Variants in KIRREL3 observed in about 807,000 individuals in gnomAD.
KIRREL3 encodes the protein kirre like nephrin family adhesion molecule 3.
A neutral mutation model predicts 89.7 loss-of-function variants in KIRREL3; 36 were observed. The ratio of observed to expected loss-of-function variants is 0.40; its 90% CI spans 0.31 to 0.53. KIRREL3 has a LOEUF of 0.53. Among genes scored for constraint, KIRREL3 ranks in the 20% least tolerant of loss-of-function variants. KIRREL3 has a pLI of 0.49. For missense variants in KIRREL3, 864 were observed against 1,056.6 expected (o/e 0.82, Z 2.53); for synonymous variants, 445 against 441.4 (o/e 1.01, Z -0.10).
Position 126,773,464 on chromosome 11 carries a change from A to G in KIRREL3, c.56-210552T>C, listed in dbSNP as rs1950079785. 6.6e-6 allele frequency among the ~76,000 whole-genome samples: 1 copy of G among 152,206 alleles called. No homozygotes were observed. The highest frequency in any genetic ancestry group is 1.5e-5 in the Non-Finnish European group (1 of 68,042). On this transcript the variant is annotated intron_variant, in intron 1 of 16. Transcript: ENST00000525144. The surrounding 1 kb of genome is among the most constrained non-coding windows in gnomAD (Gnocchi z 4.2). Reference sequence around the variant, plus strand: ...GCAGATTTTGGACTTACCAGTCTCCATCGTTGTGTGAGCCAGTCCCTTAAA... The same window carrying G: ...GCAGATTTTGGACTTACCAGTCTCCGTCGTTGTGTGAGCCAGTCCCTTAAA...
chr11:126,762,204 C>G (rs943582729), intron 1 of KIRREL3, among the ~76,000 whole-genome samples: 1 of 150,070 alleles, frequency 6.7e-6, no homozygotes, highest in Non-Finnish European at 1.5e-5. Context: ...AACAAACAAA[C>G]AAATAAATAA....
intron 1 of KIRREL3, among the ~76,000 whole-genome samples, chr11:126,794,715 T>G (rs907881797): frequency 2.6e-5 from 4 of 152,212 alleles, no homozygotes; most frequent in Non-Finnish European, 5.9e-5. Context: ...AAACAGAGTC[T>G]TACCATGGGA....
intron 1 of KIRREL3, among the ~76,000 whole-genome samples, chr11:126,707,985 G>A (rs1012789253): frequency 6.6e-6 from 1 of 152,162 alleles, no homozygotes; most frequent in African/African-American, 2.4e-5. Context: ...ATTACATGGG[G>A]TAGCGGGGTC....
rs1958929185 is a variant in KIRREL3, at chr11:126,531,076, C to T, written c.134-4389G>A. The stretch of plus-strand genomic sequence containing the variant: ...AACTCCTGACCTCATGATCCACCTG[C>T]CTCGACCTCCCAAAGTGTTGGGATT... On this transcript the variant is annotated intron_variant, in intron 2 of 16. Coordinates refer to ENST00000525144, the MANE Select transcript of KIRREL3 (RefSeq NM_032531.4). This position sits in a 1 kb window ranked among gnomAD's most constrained non-coding sequence, Gnocchi z 4.7. 6.6e-6 allele frequency among the ~76,000 whole-genome samples: 1 copy of T among 152,162 alleles called. No homozygotes were observed. The highest frequency in any genetic ancestry group is 2.4e-5 in the African/African-American group (1 of 41,436).
intron 1 of KIRREL3, among the ~76,000 whole-genome samples, chr11:126,923,190 T>TTCTTCTTTTCTTCTTCTTC (rs1947469333): frequency 9.7e-5 from 1 of 10,356 alleles, no homozygotes; most frequent in Non-Finnish European, 1.5e-4. Flanking sequence ...TCTTCTTCTC[T>TTCTTCTTTTCTTCTTCTTC]TCTTCTTCTT....
intron 1 of KIRREL3, among the ~76,000 whole-genome samples, chr11:126,672,228 T>C (rs898327295): frequency 6.6e-6 from 1 of 152,192 alleles, no homozygotes; most frequent in African/African-American, 2.4e-5. Flanking sequence ...AAAGTTCAGA[T>C]TATTGGCTCA....
intron 1 of KIRREL3, among the ~76,000 whole-genome samples, chr11:126,657,244 ATAAT>A (rs767761542): frequency 0.36 from 9,662 of 26,916 alleles, 903 homozygotes; most frequent in African/African-American, 0.52. Context: ...TTCCAAATAA[ATAAT>A]TAAATAAATA....
rs1402834980 is a variant in KIRREL3, at chr11:126,682,721, A to ACAAC, written c.56-119813_56-119810dup. Among the ~76,000 whole-genome samples the ACAAC allele has an allele frequency of 6.0e-4, 92 of 152,212 alleles. No homozygotes were observed. The highest frequency in any genetic ancestry group is 2.0e-3 in the African/African-American group (85 of 41,522). On this transcript the variant is annotated intron_variant, in intron 1 of 16. Transcript: ENST00000525144. This position sits in a 1 kb window ranked among gnomAD's most constrained non-coding sequence, Gnocchi z 4.8. ...CCTAGATCCATCACATGCGCAGTTCACAACAGGGCTGGTGCTCCTAGGAGA... is the reference window on the plus strand; with the variant it reads ...CCTAGATCCATCACATGCGCAGTTCACAACCAACAGGGCTGGTGCTCCTAGGAGA...
intron 1 of KIRREL3, among the ~76,000 whole-genome samples, chr11:126,927,933 A>C (rs1025046967): frequency 1.3e-5 from 2 of 152,236 alleles, no homozygotes; most frequent in Non-Finnish European, 2.9e-5. Flanking sequence ...TAAATAGCTT[A>C]TGATGAAAGC....
At chr11:126,517,136 AAGAGAGAGAGAGAG>A (rs199586143) in intron 4 of KIRREL3, among the ~76,000 whole-genome samples, 150 of 140,846 alleles carry the variant, frequency 1.1e-3, no homozygotes, top group African/African-American at 3.5e-3. Flanking sequence ...GAGAGAGAGA[AAGAGAGAGAGAGAG>A]AGAGAGAGAG....
At chr11:126,434,655 G>A (rs910774130) in intron 13 of KIRREL3, among the ~76,000 whole-genome samples, 2 of 152,234 alleles carry the variant, frequency 1.3e-5, no homozygotes, top group Non-Finnish European at 2.9e-5. Flanking sequence ...TCTGCTCGGG[G>A]TGGGGTTGAG....
At chr11:126,949,785 G>C (rs1270937506) in intron 1 of KIRREL3, among the ~76,000 whole-genome samples, 1 of 152,200 alleles carries the variant, frequency 6.6e-6, no homozygotes, top group Non-Finnish European at 1.5e-5. Context: ...GAGAAGGGCT[G>C]CTAAGAATGG....
intron 1 of KIRREL3, among the ~76,000 whole-genome samples, chr11:126,911,227 CAGCAAATAAAA>C (rs1565409130): frequency 1.3e-5 from 2 of 152,084 alleles, no homozygotes; most frequent in Non-Finnish European, 2.9e-5. Flanking sequence ...GAAAGGAGAC[CAGCAAATAAAA>C]AGCAGCCACC....
At chr11:126,654,550 T>A (rs1165973991) in intron 1 of KIRREL3, among the ~76,000 whole-genome samples, 1 of 152,042 alleles carries the variant, frequency 6.6e-6, no homozygotes, top group African/African-American at 2.4e-5. Context: ...AGAGCATGTG[T>A]AATGTAGGAA....
At chr11:126,595,110 C>A (rs185166069) in intron 1 of KIRREL3, among the ~76,000 whole-genome samples, 1 of 152,202 alleles carries the variant, frequency 6.6e-6, no homozygotes, top group African/African-American at 2.4e-5. Context: ...GCTGTCAGCC[C>A]GGCTGAGAGC....
chr11:126,894,175 G>A (rs1273278289), intron 1 of KIRREL3, among the ~76,000 whole-genome samples: 1 of 152,166 alleles, frequency 6.6e-6, no homozygotes, highest in African/African-American at 2.4e-5. Flanking sequence ...TCCTCTTAAG[G>A]AAAAATAAGG....
intron 7 of KIRREL3, among the ~76,000 whole-genome samples, chr11:126,451,451 C>A (rs1350163914): frequency 2.1e-5 from 2 of 95,242 alleles, no homozygotes; most frequent in African/African-American, 8.8e-5. Context: ...TGTCCAAGTG[C>A]ATGCGCATGT....
At position 126,922,033 on chromosome 11, in the gene KIRREL3, TCTATCTATCTTC is replaced by T. The variant is rs1947354290; in HGVS notation, c.55+78410_55+78421del. The stretch of plus-strand genomic sequence containing the variant: ...ATCTATCTTCCTATCTATCTTCCTA[TCTATCTATCTTC>T]CTATCTATCTATCCATCCATCTTCC... On this transcript the variant is annotated intron_variant, in intron 1 of 16. Coordinates refer to ENST00000525144, the MANE Select transcript of KIRREL3 (RefSeq NM_032531.4). 1.5e-4 allele frequency among the ~76,000 whole-genome samples: 22 copies of T among 147,556 alleles called. No individual in the cohort carries two copies. The South Asian group carries it at 4.1e-3, about 27-fold the overall frequency.
In KIRREL3 at chr11:126,897,274, G is replaced by C. The variant is rs1000039070; in HGVS notation, c.55+103181C>G. 6.6e-6 allele frequency among the ~76,000 whole-genome samples: 1 copy of C among 152,086 alleles called. No individual in the cohort carries two copies. Among genetic ancestry groups the C allele is most frequent in the Non-Finnish European group, 1.5e-5 (1 of 68,012 alleles). ...AGGCTGGCGGGGAATCTCATGAGGAGGAGATCAGTCCTGGAATGTCCAGGA... is the reference window on the plus strand; with the variant it reads ...AGGCTGGCGGGGAATCTCATGAGGACGAGATCAGTCCTGGAATGTCCAGGA... On this transcript the variant is annotated intron_variant, in intron 1 of 16. Transcript: ENST00000525144. This position sits in a 1 kb window ranked among gnomAD's most constrained non-coding sequence, Gnocchi z 4.2.
Sources: allele counts gnomAD v4.1 joint callset (sites outside exome capture counted in the v4.1 genomes callset), GRCh38; gene constraint gnomAD v4.1.1; non-coding constraint Gnocchi (gnomAD v3.1); transcripts MANE v1.5; gene names NCBI Gene and HGNC (gene_info 2026-07-23, HGNC 2026-07-21).